KIFC2: variants seen among roughly 807,000 people sequenced by gnomAD.
KIFC2 encodes the protein kinesin family member C2, also known as kinesin-like protein KIFC2.
In KIFC2, 94 loss-of-function variants were observed where a neutral mutation model predicts 91.5. That is an observed-to-expected ratio of 1.03 (90% CI 0.87 to 1.22). The LOEUF is 1.22. Ranked by LOEUF, KIFC2 falls within the 50% of genes most tolerant of loss-of-function variation. The pLI is 0.00. For missense variants in KIFC2, 1,357 were observed against 1,103.3 expected, an observed-to-expected ratio of 1.23 and a Z score of -3.26; for synonymous variants, 729 against 503.9, an observed-to-expected ratio of 1.45 and a Z score of -5.98.
chr8:144,468,355 C>G lies in KIFC2; in HGVS notation c.837C>G (p.Leu279=). The G allele has an allele frequency of 6.2e-7, 1 of 1,612,616 alleles. No individual in the cohort carries two copies. Among genetic ancestry groups the G allele is most frequent in the African/African-American group, 1.3e-5 (1 of 75,042 alleles). ...AGGAGGCAGAGGCATTGCTAGAGCTCCAGGGCCGGCTTCAGGAGGCCCAAG... is the reference window on the plus strand; with the variant it reads ...AGGAGGCAGAGGCATTGCTAGAGCTGCAGGGCCGGCTTCAGGAGGCCCAAG... ...PQEEAEALLE[L]QGRLQEAQDT... is the part of the protein sequence containing the mutation. The change falls in exon 8 of 18, where the codon CTC becomes CTG. Residue 279 remains leucine, a synonymous_variant. Coordinates refer to ENST00000645548, the MANE Select transcript of KIFC2 (RefSeq NM_001369769.2).
chr8:144,468,861 T>C, intron 10 of KIFC2, 27 bp downstream of exon 10: 1 of 1,570,692 alleles, frequency 6.4e-7, no homozygotes, highest in Non-Finnish European at 8.8e-7. Context: ...GCCTAGCCCC[T>C]CCTCTCTGGG....
intron 13 of KIFC2, 32 bp from the exon 14 acceptor site, chr8:144,472,106 T>C (rs1223678427): frequency 6.2e-7 from 1 of 1,612,984 alleles, no homozygotes; most frequent in Non-Finnish European, 8.5e-7. Flanking sequence ...GACTTGGATG[T>C]GAGCCCGGTG....
rs778879191 is a variant in KIFC2, at chr8:144,466,386, C to T, written c.-34C>T. 2.0e-6 allele frequency: 2 copies of T among 990,676 alleles called. No individual in the cohort carries two copies. Among genetic ancestry groups the T allele is most frequent in the South Asian group, 2.9e-5 (1 of 34,108 alleles). 61.4% of individuals were successfully genotyped at this position (990,676 alleles called of 1,614,324 possible). A position where few individuals can be genotyped will look rare whatever the true frequency, so the allele number is the denominator to read the frequency against. On this transcript the variant is annotated 5_prime_UTR_variant, in exon 1 of 18. Transcript: ENST00000645548. Reference sequence around the variant, plus strand: ...GTCTGGGCGCGGGGACGCGGGGCGGCGCGAAGCGGGGCCCTCTGCCGCCCC... The same window carrying T: ...GTCTGGGCGCGGGGACGCGGGGCGGTGCGAAGCGGGGCCCTCTGCCGCCCC...
rs1825055073 is a variant in KIFC2, at chr8:144,473,982, T to G, written c.*593T>G. 3.7e-6 allele frequency: 2 copies of G among 546,918 alleles called. No individual in the cohort carries two copies. The highest frequency in any genetic ancestry group is 1.9e-5 in the African/African-American group (1 of 53,178). 33.9% of individuals were successfully genotyped at this position (546,918 alleles called of 1,614,324 possible). ...GAGAAGAGGGGACTAGGAAGGGCTATTCCAGGCTCAGCCCTGCTCCTGCAG... is the reference window on the plus strand; with the variant it reads ...GAGAAGAGGGGACTAGGAAGGGCTAGTCCAGGCTCAGCCCTGCTCCTGCAG... On this transcript the variant is annotated 3_prime_UTR_variant, in exon 18 of 18. Coordinates refer to ENST00000645548, the MANE Select transcript of KIFC2 (RefSeq NM_001369769.2).
In KIFC2 at chr8:144,472,221, G is replaced by T. The variant is rs754844358; in HGVS notation, c.1569G>T (p.Val523=). ...TGGGGGCCGGCCGGCAGCACCGGGT[G>T]ACACTCAGCATGGTGGAGATCTACA... The part of the protein sequence containing the change: ...REMGAGRQHR[V]TLSMVEIYNE... Residue 523 remains valine (V), a synonymous_variant, in exon 14 of 18, where the codon GTG becomes GTT. Coordinates refer to ENST00000645548, the MANE Select transcript of KIFC2 (RefSeq NM_001369769.2). 1.6e-4 allele frequency: 253 copies of T among 1,612,814 alleles called. No individual in the cohort carries two copies. Among genetic ancestry groups the T allele is most frequent in the Non-Finnish European group, 2.0e-4 (238 of 1,179,862 alleles).
chr8:144,469,350 G>C lies in KIFC2; in HGVS notation c.1193G>C (p.Gly398Ala), dbSNP rs771791919. 3 of 1,609,502 alleles carry C rather than the reference G, an allele frequency of 1.9e-6. No homozygotes were observed. The East Asian group carries it at 6.7e-5, about 36-fold the overall frequency. ...LPEGQQGPPA[G>A]CPGRLPELKG... ...GAGGGGCAGCAAGGGCCCCCAGCCG[G>C]ATGCCCAGGGCGGCTGCCAGAACTC... Residue 398 changes from glycine (G) to alanine (A), a missense_variant, in exon 11 of 18, where the codon GGA (glycine) becomes GCA (alanine). Physicochemically the swap from Gly to Ala is moderately conservative, Grantham distance 60. Coordinates refer to ENST00000645548, the MANE Select transcript of KIFC2 (RefSeq NM_001369769.2).
rs1418754602 is a variant in KIFC2 at position 144,468,533 on chromosome 8, C to T, written c.889-3C>T. The T allele has an allele frequency of 3.2e-6, 5 of 1,564,236 alleles. No homozygotes were observed. Among genetic ancestry groups the T allele is most frequent in the South Asian group, 1.2e-5 (1 of 86,208 alleles). ...GTGACAGGGGTGGGGTTGGGCGGGG[C>T]AGCTGGGGGTGCAGGAGGTGCAGCT... On this transcript the variant is annotated splice_region_variant and splice_polypyrimidine_tract_variant and intron_variant, in intron 8 of 17. Transcript: ENST00000645548.
chr8:144,467,635 G>A lies in KIFC2; in HGVS notation c.615+5G>A, dbSNP rs368915732. 4.6e-5 allele frequency: 73 copies of A among 1,599,782 alleles called. No homozygotes were observed. The African/African-American group carries it at 8.4e-4, about 18-fold the overall frequency. The stretch of plus-strand genomic sequence containing the variant: ...GAGCAGCTCATCCTGGGACAGGTGA[G>A]GTCCCTGGAGCCAGAAGGGATTGCC... On this transcript the variant is annotated splice_donor_5th_base_variant and intron_variant, in intron 5 of 17. Coordinates refer to ENST00000645548, the MANE Select transcript of KIFC2 (RefSeq NM_001369769.2).
At chr8:144,466,298 A>T, upstream of KIFC2, 1 of 236,588 alleles carries the variant, frequency 4.2e-6, no homozygotes, top group Non-Finnish European at 7.7e-6. Flanking sequence ...CAGCCGTGGG[A>T]GCCGGGCCGT....
Position 144,467,266 on chromosome 8 carries a change from C to G in KIFC2, c.394C>G (p.Arg132Gly). 1 of 1,613,546 alleles carries G rather than the reference C, an allele frequency of 6.2e-7. No individual in the cohort carries two copies. The highest frequency in any genetic ancestry group is 8.5e-7 in the Non-Finnish European group (1 of 1,180,014). The change falls in exon 4 of 18, where the codon CGA (arginine) becomes GGA (glycine). Residue 132 changes from arginine (R) to glycine (G), a missense_variant. Transcript: ENST00000645548. ...SQLLALLAWL[R>G]SPRGRQALLQ... ...GCTCTTGGCCCTTCTGGCATGGCTT[C>G]GAAGCCCCAGGGGGAGGCAGGCCCT...
In KIFC2 at chr8:144,467,468, G is replaced by A. The variant is rs781761305; in HGVS notation, c.470-17G>A. 14 of 1,550,864 alleles carry A rather than the reference G, an allele frequency of 9.0e-6. No homozygotes were observed. In the Admixed American group the frequency reaches 2.8e-4, roughly 32 times the overall value. On this transcript the variant is annotated splice_polypyrimidine_tract_variant and intron_variant, in intron 4 of 17. Transcript: ENST00000645548. ...CTAGAGACCTCTTCAGTGCTAACTG[G>A]GCCCACCCTACTCCAGGATCCACAT...
chr8:144,469,670 A>T, intron 12 of KIFC2, 23 bp downstream of exon 12: 1 of 1,563,176 alleles, frequency 6.4e-7, no homozygotes, highest in South Asian at 1.2e-5. Context: ...CTTTGCAGCC[A>T]TCCTGACCCT....
Position 144,466,435 on chromosome 8 carries a change from T to G in KIFC2, c.16T>G (p.Ser6Ala), listed in dbSNP as rs1202733858. Residue 6 changes from serine to alanine, a missense_variant, in exon 1 of 18, where the codon TCG (serine) becomes GCG (alanine). Transcript: ENST00000645548. ...CCGCGCTCCCATGTACGCCTTTTAC[T>G]CGTTGCTCATCTACATCTTCTACAG... MYAFY[S>A]LLIYIFYSLF... The G allele has an allele frequency of 8.9e-6, 12 of 1,353,144 alleles. No homozygotes were observed. The highest frequency in any genetic ancestry group is 1.5e-5 in the African/African-American group (1 of 64,602). 83.8% of individuals were successfully genotyped at this position (1,353,144 alleles called of 1,614,324 possible).
rs768795318 is a variant in KIFC2 at position 144,466,751 on chromosome 8, C to A, written c.100-9C>A. On this transcript the variant is annotated splice_polypyrimidine_tract_variant and intron_variant, in intron 1 of 17. Coordinates refer to ENST00000645548, the MANE Select transcript of KIFC2 (RefSeq NM_001369769.2). ...CCCCTCCTCAGGGGCGCCCCTGCCC[C>A]CTCCCTAGAGAGCCCGCAAGCCCCG... 1 of 1,524,052 alleles carries A rather than the reference C, an allele frequency of 6.6e-7. No individual in the cohort carries two copies. The highest frequency in any genetic ancestry group is 8.8e-7 in the Non-Finnish European group (1 of 1,142,394). The allele number at this position is 1,524,052 out of a possible 1,614,324, so 94.4% of individuals were successfully genotyped here.
At chr8:144,469,102 C>T (rs747037584) in intron 10 of KIFC2, among the ~76,000 whole-genome samples, 169 bp from the exon 11 acceptor site, 1 of 152,210 alleles carries the variant, frequency 6.6e-6, no homozygotes, top group Non-Finnish European at 1.5e-5. Context: ...GGGCTTTATC[C>T]TGGGGTTACT....
At position 144,467,709 on chromosome 8, in the gene KIFC2, C is replaced by T. The variant is rs764683069; in HGVS notation, c.616-5C>T. On this transcript the variant is annotated splice_region_variant and splice_polypyrimidine_tract_variant and intron_variant, in intron 5 of 17. Transcript: ENST00000645548. ...GTCCACCCTGTCTCTCTTACTTCTC[C>T]CCAGCTGGAGGAGCTGAAGCAGCAG... is the stretch of plus-strand genomic sequence containing the variant. 27 of 1,613,564 alleles carry T rather than the reference C, an allele frequency of 1.7e-5. No homozygotes were observed. Among genetic ancestry groups the T allele is most frequent in the South Asian group, 3.3e-5 (3 of 91,072 alleles).
rs753365678 is a variant in KIFC2 at position 144,468,301 on chromosome 8, G to A, written c.811-28G>A. 8 of 1,583,116 alleles carry A rather than the reference G, an allele frequency of 5.1e-6. No homozygotes were observed. The Admixed American group carries it at 7.1e-5, about 14-fold the overall frequency. On this transcript the variant is annotated intron_variant, in intron 7 of 17. Coordinates refer to ENST00000645548, the MANE Select transcript of KIFC2 (RefSeq NM_001369769.2). ...GGTACCACAGACCGTCCCTCTCTGA[G>A]TCCCTCCTGGCCCCCACCCTCCCGC... is the stretch of plus-strand genomic sequence containing the variant.
intron 12 of KIFC2, among the ~76,000 whole-genome samples, chr8:144,471,617 A>G (rs928123191): frequency 2.6e-5 from 4 of 152,118 alleles, no homozygotes; most frequent in African/African-American, 2.4e-5. Flanking sequence ...TGGCTTCCAC[A>G]TTAAGGACAC....
chr8:144,468,168 C>T (rs1824764187), intron 7 of KIFC2, 161 bp from the exon 8 acceptor site: 1 of 1,036,036 alleles, frequency 9.7e-7, no homozygotes, highest in Admixed American at 2.6e-5. Context: ...AGTGGCTGAC[C>T]CCAGGAGAGC....
Sources: allele counts gnomAD v4.1 joint callset (sites outside exome capture counted in the v4.1 genomes callset), GRCh38; gene constraint gnomAD v4.1.1; transcripts MANE v1.5; gene names NCBI Gene and HGNC (gene_info 2026-07-23, HGNC 2026-07-21).